The following DACH1 variants were observed in gnomAD, a reference collection of about 807,000 sequenced individuals.
DACH1 encodes dachshund family transcription factor 1, also known as dachshund homolog 1.
DACH1 carries 12 observed loss-of-function variants against 54.2 expected under a neutral mutation model. The observed-to-expected ratio is 0.22, with a 90% CI of 0.14 to 0.36. The LOEUF (loss-of-function observed/expected upper bound fraction) is 0.36. Among genes scored for constraint, DACH1 ranks in the 10% least tolerant of loss-of-function variants. The pLI is 1.00. For missense variants in DACH1, 805 were observed against 929.8 expected, an observed-to-expected ratio of 0.87 and a Z score of 1.75; for synonymous variants, 386 against 366.2, an observed-to-expected ratio of 1.05 and a Z score of -0.62.
intron 1 of DACH1, among the ~76,000 whole-genome samples, chr13:71,734,979 G>A (rs201641881): frequency 1.5e-5 from 1 of 68,912 alleles, no homozygotes; most frequent in Non-Finnish European, 5.9e-5. Context: ...TACACACACA[G>A]GATATATATA....
At chr13:71,640,082 G>C (rs902591783) in intron 2 of DACH1, among the ~76,000 whole-genome samples, 1 of 151,974 alleles carries the variant, frequency 6.6e-6, no homozygotes, top group Non-Finnish European at 1.5e-5. Context: ...AATAATCACA[G>C]AGTAATCCCA....
chr13:71,559,078 T>C (rs1244691191), intron 5 of DACH1, among the ~76,000 whole-genome samples: 1 of 152,130 alleles, frequency 6.6e-6, no homozygotes, highest in African/African-American at 2.4e-5. Flanking sequence ...TATAGTCATT[T>C]ATCAAAAGAA....
At chr13:71,586,946 T>G (rs927431987) in intron 3 of DACH1, among the ~76,000 whole-genome samples, 12 of 152,116 alleles carry the variant, frequency 7.9e-5, no homozygotes, top group Non-Finnish European at 1.3e-4. Context: ...GTTTTTCGGT[T>G]AAATTTCTAT....
At chr13:71,605,634 A>G (rs1874822338) in intron 3 of DACH1, among the ~76,000 whole-genome samples, 1 of 152,020 alleles carries the variant, frequency 6.6e-6, no homozygotes, top group Admixed American at 6.6e-5. Context: ...TTCAACAAAA[A>G]CATTGGCTCA....
At chr13:71,641,346 T>C (rs935178005) in intron 2 of DACH1, among the ~76,000 whole-genome samples, 5 of 152,054 alleles carry the variant, frequency 3.3e-5, no homozygotes, top group Non-Finnish European at 4.4e-5. Context: ...CTAGGAACAA[T>C]ATACATGCAG....
At chr13:71,534,037 C>G (rs1332999607) in intron 6 of DACH1, among the ~76,000 whole-genome samples, 2 of 151,936 alleles carry the variant, frequency 1.3e-5, no homozygotes, top group African/African-American at 4.8e-5. Flanking sequence ...TGATAACTGC[C>G]TTTACAAAAT....
chr13:71,630,101 CT>C (rs1487744229), intron 3 of DACH1, among the ~76,000 whole-genome samples: 4 of 152,086 alleles, frequency 2.6e-5, no homozygotes, highest in Admixed American at 2.6e-4. Context: ...TCAACATAAT[CT>C]GTATTCTGGG....
At chr13:71,856,760 G>A (rs9572814) in intron 1 of DACH1, among the ~76,000 whole-genome samples, 11,881 of 151,794 alleles carry the variant, frequency 0.078, 1,276 homozygotes, top group East Asian at 0.56. Context: ...CATAGGCCAT[G>A]GAATTATTGA....
At chr13:71,744,832 T>G (rs1023891414) in intron 1 of DACH1, among the ~76,000 whole-genome samples, 3 of 152,220 alleles carry the variant, frequency 2.0e-5, no homozygotes, top group African/African-American at 7.2e-5. Context: ...TATATATGCT[T>G]TAGCAAACTC....
At chr13:71,487,010 A>G (rs1350952876) in intron 7 of DACH1, among the ~76,000 whole-genome samples, 2 of 151,554 alleles carry the variant, frequency 1.3e-5, no homozygotes, top group Admixed American at 6.6e-5. Context: ...ATGCCTGGCT[A>G]ATTTTTTGTA....
intron 6 of DACH1, among the ~76,000 whole-genome samples, chr13:71,517,789 C>T (rs992910483): frequency 8.6e-5 from 13 of 151,978 alleles, no homozygotes; most frequent in Middle Eastern, 3.4e-3. Context: ...TCTAACCTTT[C>T]TCAGGTCAAA....
intron 3 of DACH1, among the ~76,000 whole-genome samples, chr13:71,616,858 C>T (rs1462237980): frequency 6.6e-6 from 1 of 150,398 alleles, no homozygotes; most frequent in African/African-American, 2.4e-5. Context: ...ATATTTGTTT[C>T]TAATGCAGTT....
At chr13:71,801,103 C>A (rs1482613430) in intron 1 of DACH1, among the ~76,000 whole-genome samples, 1 of 152,122 alleles carries the variant, frequency 6.6e-6, no homozygotes, top group Non-Finnish European at 1.5e-5. Context: ...GGAGAATCCA[C>A]TCTTTTCCCT....
chr13:71,462,871 TACACAC>T lies in DACH1; in HGVS notation c.2083+12264_2083+12269del, dbSNP rs374818301. ...ATTCCAGGTCTAGAATCTATCTATCTACACACACACACACACACACACACACACACA... is the reference window on the plus strand; with the variant it reads ...ATTCCAGGTCTAGAATCTATCTATCTACACACACACACACACACACACACA... On this transcript the variant is annotated intron_variant, in intron 10 of 10. Transcript: ENST00000613252. Among the ~76,000 whole-genome samples the T allele has an allele frequency of 4.1e-3, 421 of 102,878 alleles. 1 individual carries two copies. Among genetic ancestry groups the T allele is most frequent in the African/African-American group, 0.012 (396 of 33,408 alleles). 67.5% of individuals were successfully genotyped at this position (102,878 alleles called of 152,430 possible). A position where few individuals can be genotyped will look rare whatever the true frequency, so the allele number is the denominator to read the frequency against.
intron 1 of DACH1, among the ~76,000 whole-genome samples, chr13:71,706,155 T>C (rs936335856): frequency 2.6e-5 from 4 of 151,990 alleles, no homozygotes; most frequent in Non-Finnish European, 5.9e-5. Flanking sequence ...TAGAACCCTA[T>C]ATCATCTTAG....
intron 10 of DACH1, among the ~76,000 whole-genome samples, chr13:71,455,625 C>G (rs1875495679): frequency 6.6e-6 from 1 of 152,044 alleles, no homozygotes; most frequent in Admixed American, 6.6e-5. Flanking sequence ...AGAACTTACC[C>G]AGGCAATTGT....
intron 3 of DACH1, among the ~76,000 whole-genome samples, chr13:71,599,631 C>T (rs1874350974): frequency 6.6e-6 from 1 of 152,032 alleles, no homozygotes; most frequent in African/African-American, 2.4e-5. Context: ...ATAAAATTGA[C>T]TTTAATTCCC....
intron 2 of DACH1, among the ~76,000 whole-genome samples, chr13:71,641,529 C>T (rs1287104681): frequency 6.6e-6 from 1 of 152,036 alleles, no homozygotes; most frequent in African/African-American, 2.4e-5. Context: ...TAGTGAGAGG[C>T]CAGTTGTAGT....
At chr13:71,669,752 A>G (rs1880099114) in intron 2 of DACH1, among the ~76,000 whole-genome samples, 1 of 152,192 alleles carries the variant, frequency 6.6e-6, no homozygotes, top group Non-Finnish European at 1.5e-5. Flanking sequence ...AGCTTGATGT[A>G]GGAATATAAT....
Sources: gnomAD v4.1 joint callset for allele counts (sites outside exome capture counted in the v4.1 genomes callset) on GRCh38, gnomAD v4.1.1 for gene constraint, MANE v1.5 for transcripts, NCBI Gene and HGNC (gene_info 2026-07-23, HGNC 2026-07-21) for gene names.